Variants in SYT9 observed in about 807,000 individuals in gnomAD.
SYT9 encodes synaptotagmin-9.
In SYT9, 22 loss-of-function variants were observed where a neutral mutation model predicts 48.4. The observed-to-expected ratio is 0.45, with a 90% confidence interval of 0.32 to 0.65. The LOEUF is 0.65. Ranked by LOEUF, SYT9 falls within the 30% of genes least tolerant of loss-of-function variation. The pLI, the probability that SYT9 is intolerant of heterozygous loss-of-function variation, is 0.03. For synonymous variants in SYT9, 265 were observed against 245.0 expected (o/e 1.08, Z -0.76); for missense variants, 577 against 622.0 (o/e 0.93, Z 0.77).
chr11:7,290,418 T>C (rs1055075257), intron 1 of SYT9, among the ~76,000 whole-genome samples: 2 of 152,220 alleles, frequency 1.3e-5, no homozygotes, highest in Non-Finnish European at 2.9e-5. Flanking sequence ...GTTAATTTAA[T>C]ACATGATGCT....
rs960966706 is a variant in SYT9 at position 7,311,446 on chromosome 11, G to A, written c.498-1949G>A. ...AAAGGGAAATTGTAATGCACAGTCT[G>A]CCCAGCAACCATCTGCGGAGCAGCA... On this transcript the variant is annotated intron_variant, in intron 2 of 6. Transcript: ENST00000318881. Among the ~76,000 whole-genome samples the A allele has an allele frequency of 2.0e-5, 3 of 152,226 alleles. No individual in the cohort carries two copies. In the East Asian group the frequency reaches 5.8e-4, roughly 29 times the overall value.
At chr11:7,424,774 T>A (rs564427440) in intron 6 of SYT9, among the ~76,000 whole-genome samples, 1 of 152,362 alleles carries the variant, frequency 6.6e-6, no homozygotes, top group South Asian at 2.1e-4. Context: ...ATTTTGGATG[T>A]CTGCCTCACT....
At chr11:7,421,064 T>C (rs976669153) in intron 6 of SYT9, among the ~76,000 whole-genome samples, 1 of 152,312 alleles carries the variant, frequency 6.6e-6, no homozygotes, top group African/African-American at 2.4e-5. Flanking sequence ...AGTGGGTTAG[T>C]ATCAGGTTCA....
At chr11:7,415,984 C>T in intron 3 of SYT9, 58 bp from the exon 4 acceptor site, 1 of 1,611,008 alleles carries the variant, frequency 6.2e-7, no homozygotes, top group South Asian at 1.1e-5. Context: ...GAAGCTGAGC[C>T]TCTTGCACAC....
At chr11:7,452,118 A>AACACACACAC (rs142000557) in intron 6 of SYT9, among the ~76,000 whole-genome samples, 2,801 of 147,596 alleles carry the variant, frequency 0.019, 56 homozygotes, top group African/African-American at 0.048. Flanking sequence ...TTATATTTAA[A>AACACACACAC]ACACACACAC....
At chr11:7,240,788 T>G (rs1847732370) in intron 1 of SYT9, among the ~76,000 whole-genome samples, 1 of 152,206 alleles carries the variant, frequency 6.6e-6, no homozygotes, top group African/African-American at 2.4e-5. Context: ...AATTAAGATA[T>G]ACCTCTTCTT....
intron 3 of SYT9, among the ~76,000 whole-genome samples, chr11:7,353,225 G>GT (rs1045141273): frequency 5.3e-5 from 8 of 152,034 alleles, no homozygotes; most frequent in African/African-American, 1.7e-4. Context: ...GAGGAACGGG[G>GT]TTTTTTTCTT....
chr11:7,384,882 C>G (rs1850628511), intron 3 of SYT9, among the ~76,000 whole-genome samples: 1 of 152,116 alleles, frequency 6.6e-6, no homozygotes, highest in Admixed American at 6.6e-5. Flanking sequence ...CAGAAGGCTA[C>G]TCTCTCACCT....
At position 7,468,069 on chromosome 11, in the gene SYT9, C is replaced by G. The variant is rs969089140; in HGVS notation, c.*1269C>G. 2 of 388,598 alleles carry G rather than the reference C, an allele frequency of 5.1e-6. No individual in the cohort carries two copies. Among genetic ancestry groups the G allele is most frequent in the East Asian group, 3.7e-5 (1 of 27,268 alleles). The allele number at this position is 388,598 out of a possible 1,614,324, so 24.1% of individuals were successfully genotyped here. A position where few individuals can be genotyped will look rare whatever the true frequency, so the allele number is the denominator to read the frequency against. ...GGGGGCTGTTACCTAATGGTCCTCTCTGTCCCATTATAGGTGCAAGGCACC... is the reference window on the plus strand; with the variant it reads ...GGGGGCTGTTACCTAATGGTCCTCTGTGTCCCATTATAGGTGCAAGGCACC... On this transcript the variant is annotated 3_prime_UTR_variant, in exon 7 of 7. Coordinates refer to ENST00000318881, the MANE Select transcript of SYT9 (RefSeq NM_175733.4).
At chr11:7,355,593 G>C (rs923584422) in intron 3 of SYT9, among the ~76,000 whole-genome samples, 1 of 152,180 alleles carries the variant, frequency 6.6e-6, no homozygotes, top group Non-Finnish European at 1.5e-5. Flanking sequence ...TGCAGTTATT[G>C]TCTGATCCAT....
intron 3 of SYT9, among the ~76,000 whole-genome samples, chr11:7,385,667 C>A (rs972422833): frequency 6.6e-6 from 1 of 151,986 alleles, no homozygotes; most frequent in East Asian, 1.9e-4. Flanking sequence ...TTAAAAAAAT[C>A]AATACATAAA....
intron 3 of SYT9, among the ~76,000 whole-genome samples, chr11:7,346,409 C>T (rs1209967219): frequency 2.6e-5 from 4 of 152,280 alleles, no homozygotes; most frequent in African/African-American, 7.2e-5. Flanking sequence ...ACAGAGTTGG[C>T]GGATTTGCTT....
At chr11:7,296,163 C>A (rs113032163) in intron 1 of SYT9, among the ~76,000 whole-genome samples, 71 of 152,292 alleles carry the variant, frequency 4.7e-4, no homozygotes, top group African/African-American at 1.7e-3. Flanking sequence ...ATTCACTAAA[C>A]CCCTAAGAGA....
Position 7,468,461 on chromosome 11 carries a change from A to C in SYT9, c.*1661A>C. The C allele has an allele frequency of 2.5e-6, 1 of 396,528 alleles. No homozygotes were observed. Among genetic ancestry groups the C allele is most frequent in the South Asian group, 1.4e-4 (1 of 7,134 alleles). 24.6% of individuals were successfully genotyped at this position (396,528 alleles called of 1,614,324 possible). ...GGTTCTGCCTATGTCTGATGACATA[A>C]GGAAAACTTGGCTTCCTCTGCTCAA... On this transcript the variant is annotated 3_prime_UTR_variant, in exon 7 of 7. Transcript: ENST00000318881.
intron 3 of SYT9, among the ~76,000 whole-genome samples, chr11:7,374,129 T>G (rs1382045200): frequency 6.6e-6 from 1 of 152,066 alleles, no homozygotes; most frequent in Non-Finnish European, 1.5e-5. Flanking sequence ...TGCCCATATG[T>G]TCTCATTGTT....
At chr11:7,369,794 AACACACACACACACAC>A (rs58554896) in intron 3 of SYT9, among the ~76,000 whole-genome samples, 3,378 of 143,988 alleles carry the variant, frequency 0.023, 123 homozygotes, top group African/African-American at 0.083. Context: ...CACACACACA[AACACACACACACACAC>A]ACACACACAC....
intron 1 of SYT9, among the ~76,000 whole-genome samples, chr11:7,281,689 T>C (rs1363891847): frequency 6.6e-6 from 1 of 152,214 alleles, no homozygotes; most frequent in African/African-American, 2.4e-5. Context: ...TAGAAAGATA[T>C]GAGGATTTGA....
chr11:7,252,433 G>A lies in SYT9; in HGVS notation c.145+102G>A. ...AGAACAGCGACGCGGACTGGGAGAG[G>A]GCGGGGGGCGGCCACCGAGCCAGGA... On this transcript the variant is annotated intron_variant, in intron 1 of 6. Transcript: ENST00000318881. The surrounding 1 kb of genome is among the most constrained non-coding windows in gnomAD (Gnocchi z 6.3). The A allele has an allele frequency of 3.2e-6, 4 of 1,252,328 alleles. No homozygotes were observed. Among genetic ancestry groups the A allele is most frequent in the Non-Finnish European group, 4.1e-6 (4 of 975,154 alleles). The allele number at this position is 1,252,328 out of a possible 1,614,324, so 77.6% of individuals were successfully genotyped here. A position where few individuals can be genotyped will look rare whatever the true frequency, so the allele number is the denominator to read the frequency against.
At chr11:7,329,377 A>C (rs1849489466) in intron 3 of SYT9, among the ~76,000 whole-genome samples, 1 of 152,140 alleles carries the variant, frequency 6.6e-6, no homozygotes, top group African/African-American at 2.4e-5. Flanking sequence ...TTGACTCTTA[A>C]AACTTTGTTC....
Sources: allele counts gnomAD v4.1 joint callset (sites outside exome capture counted in the v4.1 genomes callset), GRCh38; gene constraint gnomAD v4.1.1; non-coding constraint Gnocchi (gnomAD v3.1); transcripts MANE v1.5; gene names NCBI Gene and HGNC (gene_info 2026-07-23, HGNC 2026-07-21).